EPB41: variants seen among roughly 807,000 people sequenced by gnomAD.
EPB41 encodes the protein erythrocyte membrane protein band 4.1.
Under a neutral mutation model 108.0 loss-of-function variants are expected in EPB41, and 65 were observed. That is an observed-to-expected ratio of 0.60 (90% confidence interval 0.49 to 0.74). The LOEUF is 0.74. EPB41 is among the 30% of genes least tolerant of loss of function. EPB41 has a pLI of 0.00. For missense variants in EPB41, 875 were observed against 1,037.0 expected (o/e 0.84, Z 2.15); for synonymous variants, 336 against 358.9 (o/e 0.94, Z 0.72).
chr1:29,027,657 G>C (rs904516757), intron 7 of EPB41, among the ~76,000 whole-genome samples: 1 of 151,910 alleles, frequency 6.6e-6, no homozygotes, highest in African/African-American at 2.4e-5. Context: ...ATGTCGCCTA[G>C]GCTCATAGAC....
At chr1:28,973,865 A>G (rs1010417121) in intron 1 of EPB41, among the ~76,000 whole-genome samples, 3 of 152,192 alleles carry the variant, frequency 2.0e-5, no homozygotes, top group East Asian at 3.8e-4. Context: ...ACTCTTCCCA[A>G]GCAGCTCATT....
Position 29,109,363 on chromosome 1 carries a change from C to T in EPB41, c.2341C>T (p.Pro781Ser), listed in dbSNP as rs1668392537. Residue 781 changes from proline (P) to serine (S), a missense_variant, in exon 18 of 21, where the codon CCA becomes TCA. This residue lies in a region of EPB41 where 519 missense variants were observed against 627.3 expected (regional missense o/e 0.83). Transcript: ENST00000343067. ...TGACGACAACAGTGGAGACTTGGAC[C>T]CAGGAGTCTTGCTGACAGCTCAAAC... ...QTDDNSGDLDPGVLLTAQTIT... is the reference protein window; with the variant it reads ...QTDDNSGDLDSGVLLTAQTIT... 6.2e-7 allele frequency: 1 copy of T among 1,614,020 alleles called. No homozygotes were observed. The highest frequency in any genetic ancestry group is 2.2e-5 in the East Asian group (1 of 44,876).
chr1:29,074,886 CGGTGGCTCACG>C (rs1653204666), intron 16 of EPB41, among the ~76,000 whole-genome samples: 1 of 152,128 alleles, frequency 6.6e-6, no homozygotes, highest in Non-Finnish European at 1.5e-5. Context: ...TGTCCAGGCG[CGGTGGCTCACG>C]CCTATAATCC....
chr1:28,945,023 G>A (rs1277335060), intron 1 of EPB41, among the ~76,000 whole-genome samples: 4 of 151,188 alleles, frequency 2.6e-5, no homozygotes, highest in African/African-American at 4.9e-5. Context: ...TCTGGGATGC[G>A]GAGGTTGCAG....
rs771471035 is a variant in EPB41, at chr1:29,053,329, A to G, written c.1845+17A>G. 204 of 1,613,948 alleles carry G rather than the reference A, an allele frequency of 1.3e-4. No individual in the cohort carries two copies. Among genetic ancestry groups the G allele is most frequent in the Non-Finnish European group, 1.6e-4 (186 of 1,179,904 alleles). On this transcript the variant is annotated intron_variant, in intron 12 of 20. Coordinates refer to ENST00000343067, the MANE Select transcript of EPB41 (RefSeq NM_001376013.1). ...GCATGGAAGGTATGTCATCAGTCCA[A>G]ATACCTAGCTAACTCACTTTCTGAT...
rs1670650737 is a variant in EPB41 at position 29,115,564 on chromosome 1, G to A, written c.2497-135G>A. ...GGTGGGTAAGGTAATTATCAGCTTG[G>A]CTTAGCCTAAAGCTGCCCTGGTACT... On this transcript the variant is annotated intron_variant, in intron 19 of 20. Transcript: ENST00000343067. The surrounding 1 kb of genome is among the most constrained non-coding windows in gnomAD (Gnocchi z 4.4). 1.3e-6 allele frequency: 1 copy of A among 750,658 alleles called. No individual in the cohort carries two copies. The highest frequency in any genetic ancestry group is 1.7e-5 in the African/African-American group (1 of 58,100). 46.5% of individuals were successfully genotyped at this position (750,658 alleles called of 1,614,324 possible). A position where few individuals can be genotyped will look rare whatever the true frequency, so the allele number is the denominator to read the frequency against.
intron 1 of EPB41, among the ~76,000 whole-genome samples, chr1:28,895,221 C>T (rs1339694402): frequency 2.0e-5 from 3 of 152,180 alleles, no homozygotes; most frequent in East Asian, 3.9e-4. Flanking sequence ...TTACATCCCA[C>T]TGTGGCCCAG....
intron 17 of EPB41, among the ~76,000 whole-genome samples, chr1:29,102,577 A>C (rs1665795275): frequency 6.6e-6 from 1 of 151,604 alleles, no homozygotes; most frequent in Non-Finnish European, 1.5e-5. Context: ...ATAGCCAAAA[A>C]ATTTTATTTT....
intron 1 of EPB41, among the ~76,000 whole-genome samples, chr1:28,934,700 G>GTGTGTGT (rs1238796762): frequency 6.6e-6 from 1 of 151,642 alleles, no homozygotes; most frequent in Non-Finnish European, 1.5e-5. Context: ...GTGTGTGTGT[G>GTGTGTGT]TGTGTATTTT....
chr1:28,955,797 A>G (rs1209270801), intron 1 of EPB41, among the ~76,000 whole-genome samples: 2 of 152,204 alleles, frequency 1.3e-5, no homozygotes, highest in African/African-American at 2.4e-5. Context: ...GGAATGGAGA[A>G]TAGGATCCAC....
chr1:28,989,479 A>G (rs1009303782), intron 2 of EPB41: 2 of 749,272 alleles, frequency 2.7e-6, no homozygotes, highest in African/African-American at 1.9e-5. Context: ...GGAAAAAAGT[A>G]AAAGTCCTAC....
intron 16 of EPB41, among the ~76,000 whole-genome samples, chr1:29,083,169 A>G (rs1657424162): frequency 6.6e-6 from 1 of 152,086 alleles, no homozygotes; most frequent in African/African-American, 2.4e-5. Flanking sequence ...CTAATAGCAT[A>G]CAACCTTGAA....
rs1469847584 is a variant in EPB41, at chr1:28,903,322, C to CTTTTTT, written c.-8+16115_-8+16116insTTTTTT. ...CTGAGACTCTATTTCTTTTTCTTTT[C>CTTTTTT]TTTCTTTTTTTTTTTTTTTTGAGCT... is the stretch of plus-strand genomic sequence containing the variant. On this transcript the variant is annotated intron_variant, in intron 1 of 16. Transcript: ENST00000347529. Among the ~76,000 whole-genome samples, 84 of 144,416 alleles carry CTTTTTT rather than the reference C, an allele frequency of 5.8e-4. 1 individual carries two copies. The highest frequency in any genetic ancestry group is 1.2e-3 in the African/African-American group (44 of 37,608). The allele number at this position is 144,416 out of a possible 152,430, so 94.7% of individuals were successfully genotyped here.
At chr1:28,944,906 T>G (rs2094440170) in intron 1 of EPB41, among the ~76,000 whole-genome samples, 1 of 151,370 alleles carries the variant, frequency 6.6e-6, no homozygotes, top group African/African-American at 2.4e-5. Context: ...CTGGGCAATG[T>G]AGCAAAACCC....
intron 7 of EPB41, among the ~76,000 whole-genome samples, chr1:29,029,124 A>T (rs1033780582): frequency 6.6e-6 from 1 of 152,174 alleles, no homozygotes; most frequent in African/African-American, 2.4e-5. Context: ...AATGTTAACT[A>T]GAAAAAAATG....
intron 1 of EPB41, among the ~76,000 whole-genome samples, chr1:28,924,535 AAAAAT>A (rs2093333170): frequency 6.6e-6 from 1 of 152,078 alleles, no homozygotes; most frequent in African/African-American, 2.4e-5. Flanking sequence ...ATCTCAAAAA[AAAAAT>A]AAAAAAGACC....
chr1:28,978,856 GAGTT>G (rs2095667326), intron 1 of EPB41, among the ~76,000 whole-genome samples: 1 of 151,394 alleles, frequency 6.6e-6, no homozygotes. Flanking sequence ...TTGAGGATGA[GAGTT>G]ATACCATCAA....
intron 14 of EPB41, among the ~76,000 whole-genome samples, chr1:29,060,134 A>C (rs1232221434): frequency 6.6e-6 from 1 of 152,166 alleles, no homozygotes; most frequent in African/African-American, 2.4e-5. Flanking sequence ...CAATTTCAAA[A>C]ATGAAGATAA....
rs992560065 is a variant in EPB41, at chr1:28,987,592, A to T, written c.155A>T (p.Lys52Met). The change falls in exon 2 of 21, where the codon AAG becomes ATG. Residue 52 changes from lysine (K) to methionine (M), a missense_variant. Around this residue, in one of 3 missense-constraint regions of EPB41, gnomAD observed 353 missense variants for 393.2 expected, o/e 0.90. Transcript: ENST00000343067. The part of the protein sequence containing the change: ...AAEGDNWCEQ[K>M]LKASNGDTPT... ...GAAGGAGATAATTGGTGTGAACAGA[A>T]GCTGAAAGCTTCTAATGGAGACACT... 6.2e-7 allele frequency: 1 copy of T among 1,614,236 alleles called. No homozygotes were observed. Among genetic ancestry groups the T allele is most frequent in the Non-Finnish European group, 8.5e-7 (1 of 1,180,048 alleles).
Sources: allele counts gnomAD v4.1 joint callset (sites outside exome capture counted in the v4.1 genomes callset), GRCh38; gene constraint gnomAD v4.1.1; regional missense constraint gnomAD v4.1.1; non-coding constraint Gnocchi (gnomAD v3.1); transcripts MANE v1.5; gene names NCBI Gene and HGNC (gene_info 2026-07-23, HGNC 2026-07-21).